Variants in RYR3 observed in about 807,000 individuals in gnomAD.
RYR3 encodes the protein brain ryanodine receptor-calcium release channel.
RYR3 carries 207 observed loss-of-function variants against 584.3 expected under a neutral mutation model. The ratio of observed to expected loss-of-function variants is 0.35; its 90% CI spans 0.32 to 0.40. The LOEUF (loss-of-function observed/expected upper bound fraction) is 0.40. Among genes scored for constraint, RYR3 ranks in the 10% least tolerant of loss-of-function variants. The pLI, the probability that RYR3 is intolerant of heterozygous loss-of-function variation, is 1.00. For missense variants in RYR3, 5,616 were observed against 6,089.2 expected (o/e 0.92, Z 2.59); for synonymous variants, 2,416 against 2,248.5 (o/e 1.07, Z -2.11).
intron 43 of RYR3, among the ~76,000 whole-genome samples, chr15:33,721,310 A>G (rs993811153): frequency 2.0e-5 from 3 of 152,228 alleles, no homozygotes; most frequent in South Asian, 2.1e-4. Flanking sequence ...GGTCCCAGAC[A>G]GGCCTTCGGA....
intron 3 of RYR3, among the ~76,000 whole-genome samples, chr15:33,520,337 G>GA (rs1276721524): frequency 6.6e-6 from 1 of 152,152 alleles, no homozygotes; most frequent in Non-Finnish European, 1.5e-5. Flanking sequence ...TTGAATGTTA[G>GA]ACTCTTTGTT....
chr15:33,548,132 G>A lies in RYR3; in HGVS notation c.743G>A (p.Arg248Lys), dbSNP rs2056389585. The change falls in exon 9 of 104, where the codon AGG (arginine) becomes AAG (lysine). Residue 248 changes from arginine (R) to lysine (K), a missense_variant and splice_region_variant. Coordinates refer to ENST00000634891, the MANE Select transcript of RYR3 (RefSeq NM_001036.6). ...STDQNDSQHR[R>K]IFYEAGGAGT... ...CTGATCTCCAACTCTGCTCACAGGA[G>A]GATATTCTACGAAGCTGGGGGAGCT... is the stretch of plus-strand genomic sequence containing the variant. 1 of 1,611,544 alleles carries A rather than the reference G, an allele frequency of 6.2e-7. No homozygotes were observed. Among genetic ancestry groups the A allele is most frequent in the South Asian group, 1.1e-5 (1 of 90,426 alleles).
intron 18 of RYR3, among the ~76,000 whole-genome samples, chr15:33,604,635 G>A (rs2059822068): frequency 6.6e-6 from 1 of 152,208 alleles, no homozygotes; most frequent in Admixed American, 6.5e-5. Flanking sequence ...AAAATGGCAG[G>A]ATGATGGGGT....
intron 16 of RYR3, among the ~76,000 whole-genome samples, chr15:33,592,334 G>A (rs1340566311): frequency 1.3e-5 from 2 of 152,194 alleles, no homozygotes; most frequent in East Asian, 3.8e-4. Flanking sequence ...CTCTGATTCA[G>A]TAATTTCGGA....
At chr15:33,739,066 C>G (rs1020278506) in intron 50 of RYR3, among the ~76,000 whole-genome samples, 2 of 152,168 alleles carry the variant, frequency 1.3e-5, no homozygotes, top group East Asian at 1.9e-4. Context: ...GAGGAGGCTT[C>G]GAGTGAGAAC....
At chr15:33,635,284 G>A (rs963560940) in intron 25 of RYR3, among the ~76,000 whole-genome samples, 5 of 152,198 alleles carry the variant, frequency 3.3e-5, no homozygotes, top group African/African-American at 1.2e-4. Flanking sequence ...GCTCTGTGAT[G>A]TTGAATAAAT....
intron 85 of RYR3, among the ~76,000 whole-genome samples, chr15:33,829,751 C>A (rs2077570861): frequency 5.9e-5 from 8 of 134,772 alleles, no homozygotes; most frequent in African/African-American, 1.7e-4. Flanking sequence ...GACTCTGTCT[C>A]AAAAAAAAAA....
At chr15:33,441,955 A>T (rs2046265730) in intron 1 of RYR3, among the ~76,000 whole-genome samples, 2 of 152,224 alleles carry the variant, frequency 1.3e-5, no homozygotes, top group African/African-American at 2.4e-5. Context: ...TTGGAATGTC[A>T]TTCAGCAAGT....
At chr15:33,711,642 C>T (rs1278806790) in intron 43 of RYR3, among the ~76,000 whole-genome samples, 1 of 152,230 alleles carries the variant, frequency 6.6e-6, no homozygotes, top group Non-Finnish European at 1.5e-5. Context: ...ATCCCTAAGG[C>T]ACGAACAGAA....
At chr15:33,753,996 T>G (rs2071572629) in intron 57 of RYR3, among the ~76,000 whole-genome samples, 1 of 152,048 alleles carries the variant, frequency 6.6e-6, no homozygotes, top group East Asian at 1.9e-4. Context: ...ATACAAAAAA[T>G]TAGCCAGGAA....
intron 38 of RYR3, among the ~76,000 whole-genome samples, chr15:33,686,351 C>T (rs1326487866): frequency 1.3e-5 from 2 of 151,790 alleles, no homozygotes; most frequent in East Asian, 1.9e-4. Context: ...TTCCTGGACA[C>T]GTACACCCTC....
intron 1 of RYR3, chr15:33,465,821 GT>G (rs2048443339): frequency 1.9e-6 from 1 of 518,090 alleles, no homozygotes; most frequent in South Asian, 1.4e-5. Context: ...TTTGCTGATG[GT>G]GTGGATGTGA....
At chr15:33,400,217 C>T (rs1439440385) in intron 1 of RYR3, among the ~76,000 whole-genome samples, 1 of 152,102 alleles carries the variant, frequency 6.6e-6, no homozygotes, top group Non-Finnish European at 1.5e-5. Flanking sequence ...ACTATGGTCA[C>T]CATATGTAAA....
intron 94 of RYR3, chr15:33,851,725 G>A (rs1234000883): frequency 1.3e-5 from 2 of 152,086 alleles, no homozygotes; most frequent in Non-Finnish European, 2.9e-5. Context: ...GAGAAAATGC[G>A]ACCAGGCTGA....
chr15:33,850,842 T>A (rs779603696), intron 94 of RYR3: 1 of 152,202 alleles, frequency 6.6e-6, no homozygotes, highest in Non-Finnish European at 1.5e-5. Flanking sequence ...ATTTTTGATG[T>A]TCATTAGTGG....
At chr15:33,573,570 G>C (rs1180195388) in intron 12 of RYR3, among the ~76,000 whole-genome samples, 1 of 152,230 alleles carries the variant, frequency 6.6e-6, no homozygotes, top group Admixed American at 6.5e-5. Flanking sequence ...GATACTGTCA[G>C]CTGTCCTCTA....
chr15:33,697,250 T>G (rs1056748146), intron 39 of RYR3, among the ~76,000 whole-genome samples: 1 of 152,206 alleles, frequency 6.6e-6, no homozygotes, highest in African/African-American at 2.4e-5. Flanking sequence ...TTCGTCAAAC[T>G]CATTTCCAAA....
chr15:33,853,493 G>C, intron 95 of RYR3, 62 bp from the exon 96 acceptor site: 1 of 1,584,340 alleles, frequency 6.3e-7, no homozygotes, highest in Non-Finnish European at 8.6e-7. Context: ...GAAGACCCCA[G>C]AGCTAGAAAA....
intron 2 of RYR3, 126 bp from the exon 3 acceptor site, chr15:33,503,505 T>G (rs915535653): frequency 3.2e-6 from 2 of 625,796 alleles, no homozygotes; most frequent in African/African-American, 1.8e-5. Flanking sequence ...AGCCACCTTT[T>G]TGCATTCCTA....
Sources: gnomAD v4.1 joint callset for allele counts (sites outside exome capture counted in the v4.1 genomes callset) on GRCh38, gnomAD v4.1.1 for gene constraint, MANE v1.5 for transcripts, NCBI Gene and HGNC (gene_info 2026-07-23, HGNC 2026-07-21) for gene names.